ANKS1B: variants seen among roughly 807,000 people sequenced by gnomAD.
ANKS1B encodes the protein ankyrin repeat and sterile alpha motif domain-containing protein 1B.
Under a neutral mutation model 148.3 loss-of-function variants are expected in ANKS1B, and 36 were observed. That is an observed-to-expected ratio of 0.24 (90% CI 0.19 to 0.32). ANKS1B has a LOEUF of 0.32. Among genes scored for constraint, ANKS1B ranks in the 10% least tolerant of loss-of-function variants. The pLI, the probability that ANKS1B is intolerant of heterozygous loss-of-function variation, is 1.00. For missense variants in ANKS1B, 1,157 were observed against 1,542.6 expected (o/e 0.75, Z 4.19); for synonymous variants, 542 against 560.8 (o/e 0.97, Z 0.47).
intron 11 of ANKS1B, among the ~76,000 whole-genome samples, chr12:99,436,471 A>G (rs1284612023): frequency 6.6e-6 from 1 of 151,962 alleles, no homozygotes; most frequent in African/African-American, 2.4e-5. Context: ...TTCCTTATCT[A>G]TTTTTTGCTG....
chr12:99,231,340 AACAG>A (rs2086806902), intron 14 of ANKS1B, among the ~76,000 whole-genome samples: 1 of 152,132 alleles, frequency 6.6e-6, no homozygotes, highest in Admixed American at 6.6e-5. Context: ...GATTTGACCT[AACAG>A]AAAGAAGAAA....
chr12:99,115,975 C>T (rs1208619285), intron 15 of ANKS1B, among the ~76,000 whole-genome samples: 1 of 151,156 alleles, frequency 6.6e-6, no homozygotes, highest in African/African-American at 2.4e-5. Flanking sequence ...AGCTGGATTG[C>T]CTGTGTGGAA....
At chr12:99,178,873 T>C (rs1029198619) in intron 14 of ANKS1B, among the ~76,000 whole-genome samples, 8 of 152,166 alleles carry the variant, frequency 5.3e-5, no homozygotes, top group African/African-American at 1.9e-4. Context: ...GCTAGCCCAG[T>C]TGTTGATCCA....
chr12:98,805,306 C>CA (rs1208491359), intron 20 of ANKS1B, among the ~76,000 whole-genome samples: 135 of 13,680 alleles, frequency 9.9e-3, no homozygotes, highest in African/African-American at 0.027. Context: ...ATGCTTAAGG[C>CA]CTTTTTTTTT....
Position 99,243,637 on chromosome 12 carries a change from C to T in ANKS1B, c.2419+705G>A, listed in dbSNP as rs1304308318. Among the ~76,000 whole-genome samples, 5 of 152,206 alleles carry T rather than the reference C, an allele frequency of 3.3e-5. 1 individual carries two copies. Among genetic ancestry groups the T allele is most frequent in the African/African-American group, 1.2e-4 (5 of 41,544 alleles). On this transcript the variant is annotated intron_variant, in intron 14 of 26. Coordinates refer to ENST00000683438, the MANE Select transcript of ANKS1B (RefSeq NM_001352186.2). Reference sequence around the variant, plus strand: ...GACTTGGAACCAACCCAAATGTCCACCAGTGATAGACTGGATTAAGAAAAT... The same window carrying T: ...GACTTGGAACCAACCCAAATGTCCATCAGTGATAGACTGGATTAAGAAAAT...
intron 12 of ANKS1B, among the ~76,000 whole-genome samples, chr12:99,299,966 G>C (rs749467419): frequency 1.3e-5 from 2 of 152,058 alleles, no homozygotes; most frequent in Non-Finnish European, 2.9e-5. Context: ...AAATCACATT[G>C]AGTTTGCCTT....
At chr12:99,279,977 C>T (rs1212158204) in intron 12 of ANKS1B, among the ~76,000 whole-genome samples, 15 of 151,736 alleles carry the variant, frequency 9.9e-5, no homozygotes, top group Admixed American at 9.9e-4. Context: ...GCACTCCAGC[C>T]TAGGTGACAT....
chr12:99,956,289 A>G (rs1255475445), intron 1 of ANKS1B, among the ~76,000 whole-genome samples: 2 of 151,922 alleles, frequency 1.3e-5, no homozygotes, highest in Non-Finnish European at 2.9e-5. Context: ...AAAAAAAAAA[A>G]AAAAAGCGCA....
intron 20 of ANKS1B, among the ~76,000 whole-genome samples, chr12:98,802,865 A>G (rs2099017503): frequency 6.6e-6 from 1 of 151,304 alleles, no homozygotes. Context: ...GTCTGTTGGT[A>G]TTTTTTATTT....
At chr12:99,754,215 T>G (rs898468559) in intron 8 of ANKS1B, among the ~76,000 whole-genome samples, 4 of 152,058 alleles carry the variant, frequency 2.6e-5, no homozygotes, top group Non-Finnish European at 5.9e-5. Flanking sequence ...GCTATTCTTA[T>G]TTCAGACAAA....
intron 4 of ANKS1B, among the ~76,000 whole-genome samples, chr12:99,790,887 GA>G (rs1602218152): frequency 1.3e-5 from 2 of 151,616 alleles, no homozygotes; most frequent in East Asian, 3.9e-4. Flanking sequence ...GAGAGCGAGA[GA>G]AAAAAATAAC....
intron 14 of ANKS1B, among the ~76,000 whole-genome samples, chr12:99,234,474 T>C (rs1012422673): frequency 1.5e-4 from 23 of 152,160 alleles, no homozygotes; most frequent in Admixed American, 5.9e-4. Context: ...AACATTAAGA[T>C]TGTAAGATCA....
At chr12:98,851,524 T>C (rs1381767532) in intron 17 of ANKS1B, among the ~76,000 whole-genome samples, 1 of 152,154 alleles carries the variant, frequency 6.6e-6, no homozygotes, top group African/African-American at 2.4e-5. Flanking sequence ...TTAATTTTGC[T>C]AAGGGGGAAC....
At chr12:99,004,160 C>T (rs946009921) in intron 17 of ANKS1B, among the ~76,000 whole-genome samples, 1 of 151,986 alleles carries the variant, frequency 6.6e-6, no homozygotes, top group Non-Finnish European at 1.5e-5. Flanking sequence ...ACCGTGGAGC[C>T]ATGGAATGAA....
chr12:99,639,972 G>C (rs1367669054), intron 9 of ANKS1B, among the ~76,000 whole-genome samples: 1 of 152,104 alleles, frequency 6.6e-6, no homozygotes, highest in African/African-American at 2.4e-5. Flanking sequence ...AGCAGTTCAA[G>C]ACCAGCCTGG....
At chr12:99,113,258 A>G (rs148258885) in intron 15 of ANKS1B, among the ~76,000 whole-genome samples, 6 of 152,160 alleles carry the variant, frequency 3.9e-5, no homozygotes, top group Non-Finnish European at 7.4e-5. Flanking sequence ...GAAACTCAGT[A>G]TCTGACCTGA....
At chr12:99,893,149 A>G (rs1214630119) in intron 1 of ANKS1B, among the ~76,000 whole-genome samples, 1 of 152,010 alleles carries the variant, frequency 6.6e-6, no homozygotes, top group Non-Finnish European at 1.5e-5. Context: ...AGTGGCTCAC[A>G]ACTGTAATCC....
In ANKS1B at chr12:99,134,628, G is replaced by GTCTCTC. The variant is rs773301655; in HGVS notation, c.2526+19655_2526+19660dup. Among the ~76,000 whole-genome samples the GTCTCTC allele has an allele frequency of 1.4e-3, 154 of 112,422 alleles. 1 individual carries two copies. The highest frequency in any genetic ancestry group is 4.3e-3 in the Middle Eastern group (1 of 232). 73.8% of individuals were successfully genotyped at this position (112,422 alleles called of 152,430 possible). A position where few individuals can be genotyped will look rare whatever the true frequency, so the allele number is the denominator to read the frequency against. ...TTTCTCTCTGTCTCTATCCCTTTCT[G>GTCTCTC]TCTCTCTCTCTCTCTCTCACACACA... On this transcript the variant is annotated intron_variant, in intron 15 of 26. Coordinates refer to ENST00000683438, the MANE Select transcript of ANKS1B (RefSeq NM_001352186.2).
chr12:98,742,309 G>A (rs1332882290), downstream of ANKS1B, among the ~76,000 whole-genome samples: 17 of 151,050 alleles, frequency 1.1e-4, 1 homozygote, highest in Admixed American at 1.1e-3. Context: ...AGCACTGGTC[G>A]TTAACTACTC....
Sources: allele counts gnomAD v4.1 joint callset (sites outside exome capture counted in the v4.1 genomes callset), GRCh38; gene constraint gnomAD v4.1.1; transcripts MANE v1.5; gene names NCBI Gene and HGNC (gene_info 2026-07-23, HGNC 2026-07-21).